The following ZNF486 variants were observed in gnomAD, a reference collection of about 807,000 sequenced individuals.
ZNF486 encodes zinc finger protein 486.
In ZNF486, 12 loss-of-function variants were observed where a neutral mutation model predicts 12.8. That is an observed-to-expected ratio of 0.94 (90% CI 0.60 to 1.52). The LOEUF (loss-of-function observed/expected upper bound fraction) is 1.52, where lower values mean the gene tolerates loss of function less well. Among genes scored for constraint, ZNF486 ranks in the 40% most tolerant of loss-of-function variants. The pLI, the probability that ZNF486 is intolerant of heterozygous loss-of-function variation, is 0.00. For synonymous variants in ZNF486, 231 were observed against 184.9 expected (o/e 1.25, Z -2.02); for missense variants, 738 against 545.0 (o/e 1.35, Z -3.53).
At chr19:20,192,189 C>A (rs1555717292) in intron 3 of ZNF486, among the ~76,000 whole-genome samples, 3 of 151,864 alleles carry the variant, frequency 2.0e-5, no homozygotes, top group Non-Finnish European at 2.9e-5. Flanking sequence ...CATTTTTTTC[C>A]TTCTGTTACT....
intron 3 of ZNF486, among the ~76,000 whole-genome samples, chr19:20,187,199 AAG>A (rs2089857284): frequency 6.6e-6 from 1 of 151,870 alleles, no homozygotes; most frequent in Admixed American, 6.6e-5. Flanking sequence ...AGTTTGTTTT[AAG>A]TGTATGAGAC....
chr19:20,187,589 C>T (rs913086618), intron 3 of ZNF486, among the ~76,000 whole-genome samples: 2 of 151,006 alleles, frequency 1.3e-5, no homozygotes, highest in African/African-American at 4.9e-5. Flanking sequence ...GCAACCTCCA[C>T]CTCCCGGGTT....
At chr19:20,173,734 A>C (rs1195400673) in intron 1 of ZNF486, among the ~76,000 whole-genome samples, 1 of 151,984 alleles carries the variant, frequency 6.6e-6, no homozygotes, top group Non-Finnish European at 1.5e-5. Context: ...TGGGAGGCTG[A>C]GGCAGGAGAA....
chr19:20,189,392 G>C (rs550004285), intron 3 of ZNF486, among the ~76,000 whole-genome samples: 45 of 152,132 alleles, frequency 3.0e-4, no homozygotes, highest in Non-Finnish European at 5.1e-4. Flanking sequence ...TTTGTAAATA[G>C]ATATAATAAG....
chr19:20,194,211 TTA>T (rs2122681429), intron 3 of ZNF486, among the ~76,000 whole-genome samples: 1 of 152,342 alleles, frequency 6.6e-6, no homozygotes, highest in Middle Eastern at 3.4e-3. Context: ...TTTTCTTGCA[TTA>T]TGTTATTTTC....
At position 20,197,470 on chromosome 19, in the gene ZNF486, A is replaced by G; in HGVS notation, c.760A>G (p.Thr254Ala). The change falls in exon 4 of 4, where the codon ACT (threonine) becomes GCT (alanine). Residue 254 changes from threonine (T) to alanine (A), a missense_variant. Transcript: ENST00000335117. ...AGTCTTTAAGTACTTCTCTAGCTTT[A>G]CTACACATAAGAAAATTCATAGTGG... ...GKVFKYFSSF[T>A]THKKIHSGEK... 6.2e-7 allele frequency: 1 copy of G among 1,608,946 alleles called. No homozygotes were observed. The highest frequency in any genetic ancestry group is 2.2e-5 in the East Asian group (1 of 44,856).
At chr19:20,172,725 T>A (rs2089662856) in intron 1 of ZNF486, among the ~76,000 whole-genome samples, 1 of 145,664 alleles carries the variant, frequency 6.9e-6, no homozygotes, top group Admixed American at 6.9e-5. Flanking sequence ...CTGCAACCTC[T>A]GCCTCCTGGG....
chr19:20,184,256 A>G (rs1055296713), intron 1 of ZNF486, 100 bp from the exon 2 acceptor site: 6 of 1,540,926 alleles, frequency 3.9e-6, no homozygotes, highest in East Asian at 2.3e-5. Flanking sequence ...AGTCAATCCT[A>G]TAAGTAAGAA....
At position 20,197,744 on chromosome 19, in the gene ZNF486, C is replaced by A; in HGVS notation, c.1034C>A (p.Thr345Lys). The change falls in exon 4 of 4, where the codon ACG becomes AAG. Residue 345 changes from threonine to lysine, a missense_variant. Coordinates refer to ENST00000335117, the MANE Select transcript of ZNF486 (RefSeq NM_052852.4). ...CTTAGTAAACATGAGAAGATTCATA[C>A]GGGAGAGAAACCCTACAAATGTGAA... Reference protein sequence around the residue: ...SILSKHEKIHTGEKPYKCEEC... With the variant: ...SILSKHEKIHKGEKPYKCEEC... The A allele has an allele frequency of 6.2e-7, 1 of 1,613,442 alleles. No homozygotes were observed. The highest frequency in any genetic ancestry group is 1.3e-5 in the African/African-American group (1 of 74,876).
rs2089983990 is a variant in ZNF486, at chr19:20,198,548, GT to G, written c.*449del. On this transcript the variant is annotated 3_prime_UTR_variant, in exon 4 of 4. Transcript: ENST00000335117. ...TTGTTTATTTATTTTTTGAGATGCA[GT>G]TTCACTCTTGTGACCCGGGCTGTAG... The G allele has an allele frequency of 5.7e-6, 1 of 174,792 alleles. No homozygotes were observed. The highest frequency in any genetic ancestry group is 1.2e-5 in the Non-Finnish European group (1 of 80,620). The allele number at this position is 174,792 out of a possible 1,614,324, so 10.8% of individuals were successfully genotyped here. A position where few individuals can be genotyped will look rare whatever the true frequency, so the allele number is the denominator to read the frequency against.
chr19:20,180,376 C>T (rs1438442778), intron 1 of ZNF486, among the ~76,000 whole-genome samples: 5 of 151,916 alleles, frequency 3.3e-5, no homozygotes, highest in Non-Finnish European at 5.9e-5. Context: ...TAAAAAAATA[C>T]GTGAAGCAGT....
chr19:20,170,115 C>T (rs112162085), intron 1 of ZNF486, among the ~76,000 whole-genome samples: 386 of 151,046 alleles, frequency 2.6e-3, no homozygotes, highest in Middle Eastern at 0.014. Context: ...TGGTCTCGAT[C>T]TCCTGACCTC....
At chr19:20,178,100 TG>T (rs1267981494) in intron 1 of ZNF486, among the ~76,000 whole-genome samples, 43 of 142,796 alleles carry the variant, frequency 3.0e-4, no homozygotes, top group Middle Eastern at 3.6e-3. Flanking sequence ...ATTTTTTTTT[TG>T]TATTTTTAGT....
intron 3 of ZNF486, among the ~76,000 whole-genome samples, chr19:20,193,593 G>A (rs530800687): frequency 5.9e-5 from 9 of 151,906 alleles, no homozygotes; most frequent in Non-Finnish European, 1.2e-4. Context: ...CCTAGAAGGC[G>A]GACGTTGCAG....
intron 1 of ZNF486, chr19:20,176,708 G>T (rs1055864316): frequency 6.5e-6 from 1 of 154,958 alleles, no homozygotes. Flanking sequence ...ACCTGCAATC[G>T]CAGGCACTCG....
At chr19:20,176,435 G>A in intron 1 of ZNF486, 1 of 205,936 alleles carries the variant, frequency 4.9e-6, no homozygotes, top group South Asian at 6.6e-5. Context: ...CGGCCGGGCA[G>A]AGGCTGCAAT....
intron 1 of ZNF486, among the ~76,000 whole-genome samples, chr19:20,179,278 A>G (rs1194701461): frequency 1.3e-5 from 2 of 152,198 alleles, no homozygotes; most frequent in Non-Finnish European, 2.9e-5. Context: ...TCAATAATCA[A>G]TGTTATTTAT....
intron 3 of ZNF486, among the ~76,000 whole-genome samples, chr19:20,196,419 C>T (rs1460299495): frequency 6.6e-6 from 1 of 152,180 alleles, no homozygotes; most frequent in Non-Finnish European, 1.5e-5. Context: ...ACCTCCGTCT[C>T]CTGGGTTCAA....
In ZNF486 at chr19:20,186,075, AC is replaced by A. The variant is rs782268251; in HGVS notation, c.251del (p.Pro84GlnfsTer17). 5 of 1,581,704 alleles carry A rather than the reference AC, an allele frequency of 3.2e-6. No homozygotes were observed. Among genetic ancestry groups the A allele is most frequent in the Non-Finnish European group, 3.4e-6 (4 of 1,167,758 alleles). ...TMKRHEMIAKPPVVCSHFAQD... is the reference protein window; with the variant it reads ...TMKRHEMIAKXPVVCSHFAQD... ...TGAAGAGACATGAGATGATTGCCAAACCCCCAGGTAGGTGCGAATGAAAATG... is the reference window on the plus strand; with the variant it reads ...TGAAGAGACATGAGATGATTGCCAAACCCCAGGTAGGTGCGAATGAAAATG... On this transcript the variant is annotated frameshift_variant, in exon 3 of 4. Transcript: ENST00000335117. LOFTEE classifies it low-confidence loss of function (END_TRUNC).
Sources: allele counts gnomAD v4.1 joint callset (sites outside exome capture counted in the v4.1 genomes callset), GRCh38; gene constraint gnomAD v4.1.1; transcripts MANE v1.5; gene names NCBI Gene and HGNC (gene_info 2026-07-23, HGNC 2026-07-21).